Variants in CAMK1D observed in about 807,000 individuals in gnomAD.
The protein encoded by CAMK1D is calcium/calmodulin-dependent protein kinase type 1D.
A neutral mutation model predicts 47.7 loss-of-function variants in CAMK1D; 9 were observed. That is an observed-to-expected ratio of 0.19 (90% CI 0.11 to 0.33). The LOEUF is 0.33. Ranked by LOEUF, CAMK1D falls within the 10% of genes least tolerant of loss-of-function variation. The probability of loss-of-function intolerance (pLI) is 1.00; values close to 1 mark genes in which losing one functional copy is unlikely to be tolerated. For missense variants in CAMK1D, 291 were observed against 488.7 expected (o/e 0.60, Z 3.81); for synonymous variants, 184 against 184.9 (o/e 0.99, Z 0.04).
chr10:12,643,885 A>C (rs1256516385), intron 2 of CAMK1D, among the ~76,000 whole-genome samples: 2 of 117,162 alleles, frequency 1.7e-5, no homozygotes, highest in African/African-American at 6.3e-5. Context: ...CTCTGACTCA[A>C]AAAAAAAAAA....
chr10:12,501,469 C>T (rs1388342499), intron 1 of CAMK1D, among the ~76,000 whole-genome samples: 1 of 152,184 alleles, frequency 6.6e-6, no homozygotes, highest in Non-Finnish European at 1.5e-5. Flanking sequence ...ATGGGCCTCA[C>T]CATGTGCTCA....
chr10:12,511,618 G>A (rs964082258), intron 1 of CAMK1D, among the ~76,000 whole-genome samples: 1 of 151,978 alleles, frequency 6.6e-6, no homozygotes, highest in Non-Finnish European at 1.5e-5. Context: ...CTCAAAAAAC[G>A]AACAAACAAA....
chr10:12,438,178 C>T (rs569717676), intron 1 of CAMK1D, among the ~76,000 whole-genome samples: 1 of 152,352 alleles, frequency 6.6e-6, no homozygotes, highest in South Asian at 2.1e-4. Flanking sequence ...CTTTTCTGCA[C>T]ACCTCATGAT....
chr10:12,699,812 A>G (rs763391654), intron 3 of CAMK1D, among the ~76,000 whole-genome samples: 3 of 152,190 alleles, frequency 2.0e-5, no homozygotes, highest in East Asian at 1.9e-4. Flanking sequence ...TAAGGCATCA[A>G]TGATTTCACC....
At chr10:12,736,196 T>C (rs1484211567) in intron 3 of CAMK1D, among the ~76,000 whole-genome samples, 3 of 152,220 alleles carry the variant, frequency 2.0e-5, no homozygotes, top group Non-Finnish European at 4.4e-5. Flanking sequence ...AGGAAGACCA[T>C]GCTCACTTGC....
chr10:12,658,301 A>G (rs1373163399), intron 2 of CAMK1D, among the ~76,000 whole-genome samples: 1 of 152,172 alleles, frequency 6.6e-6, no homozygotes, highest in Non-Finnish European at 1.5e-5. Context: ...GAGCACACTC[A>G]GAGACGAAGG....
chr10:12,817,036 A>G lies in CAMK1D; in HGVS notation c.833+708A>G, dbSNP rs952231545. Among the ~76,000 whole-genome samples the G allele has an allele frequency of 4.9e-4, 75 of 152,236 alleles. 1 individual carries two copies. The highest frequency in any genetic ancestry group is 3.9e-3 in the Admixed American group (59 of 15,280). On this transcript the variant is annotated intron_variant, in intron 8 of 10. Coordinates refer to ENST00000619168, the MANE Select transcript of CAMK1D (RefSeq NM_153498.4). ...TCTTACATGGATGGGAGCAGGCAAA[A>G]AGAGAGAGCTTGTGCAGGGGAACAC...
chr10:12,540,386 G>A (rs1344024066), intron 1 of CAMK1D, among the ~76,000 whole-genome samples: 1 of 152,220 alleles, frequency 6.6e-6, no homozygotes, highest in African/African-American at 2.4e-5. Flanking sequence ...GCCTGTCAGA[G>A]AAGTGAAGGA....
At chr10:12,563,700 G>A (rs7078613) in intron 2 of CAMK1D, among the ~76,000 whole-genome samples, 34,800 of 81,976 alleles carry the variant, frequency 0.42, 4,536 homozygotes, top group Non-Finnish European at 0.45. Context: ...AGAGAGAGAG[G>A]GAGAGAGAGG....
At chr10:12,699,622 A>G (rs1206210771) in intron 3 of CAMK1D, among the ~76,000 whole-genome samples, 1 of 151,588 alleles carries the variant, frequency 6.6e-6, no homozygotes, top group Non-Finnish European at 1.5e-5. Flanking sequence ...GTTAATCATT[A>G]GTCCTCTACA....
At chr10:12,523,127 C>T (rs1208534583) in intron 1 of CAMK1D, among the ~76,000 whole-genome samples, 9 of 148,744 alleles carry the variant, frequency 6.1e-5, no homozygotes, top group Non-Finnish European at 7.4e-5. Flanking sequence ...TGGGCAGAGA[C>T]GCTCCTCACC....
chr10:12,710,386 T>C (rs2130750437), intron 3 of CAMK1D, among the ~76,000 whole-genome samples: 1 of 152,300 alleles, frequency 6.6e-6, no homozygotes, highest in South Asian at 2.1e-4. Flanking sequence ...TCCGTACATG[T>C]TTATTGAGCA....
intron 2 of CAMK1D, among the ~76,000 whole-genome samples, chr10:12,559,506 G>A (rs748168905): frequency 1.4e-4 from 22 of 152,122 alleles, no homozygotes; most frequent in Non-Finnish European, 2.9e-4. Flanking sequence ...GAGCTGCTCC[G>A]TATGATGACT....
intron 1 of CAMK1D, among the ~76,000 whole-genome samples, chr10:12,410,628 A>G (rs1839624594): frequency 6.6e-6 from 1 of 152,198 alleles, no homozygotes; most frequent in South Asian, 2.1e-4. Flanking sequence ...TTCACAGATC[A>G]ATGAAGGACA....
intron 1 of CAMK1D, among the ~76,000 whole-genome samples, chr10:12,388,042 C>T (rs1324214220): frequency 6.6e-6 from 1 of 152,056 alleles, no homozygotes; most frequent in East Asian, 1.9e-4. Flanking sequence ...TCTTGCCAGC[C>T]AGGCATCTTT....
At chr10:12,606,163 A>G (rs761439870) in intron 2 of CAMK1D, among the ~76,000 whole-genome samples, 1 of 151,228 alleles carries the variant, frequency 6.6e-6, no homozygotes, top group Non-Finnish European at 1.5e-5. Context: ...AGGTGCCGTC[A>G]TCCTCCTGTG....
At chr10:12,765,298 C>T (rs1450923209) in intron 4 of CAMK1D, among the ~76,000 whole-genome samples, 1 of 152,010 alleles carries the variant, frequency 6.6e-6, no homozygotes, top group African/African-American at 2.4e-5. Flanking sequence ...GTAAGGAAGG[C>T]TTTATTCAAG....
At chr10:12,668,030 A>T (rs773507868) in intron 3 of CAMK1D, among the ~76,000 whole-genome samples, 24 of 152,184 alleles carry the variant, frequency 1.6e-4, no homozygotes, top group Middle Eastern at 3.2e-3. Flanking sequence ...CCATGGTATA[A>T]GTCAAAGAAG....
chr10:12,674,993 T>C (rs1840757884), intron 3 of CAMK1D, among the ~76,000 whole-genome samples: 1 of 141,394 alleles, frequency 7.1e-6, no homozygotes, highest in Non-Finnish European at 1.5e-5. Context: ...ATCACACCAC[T>C]GCACTCCAGC....
Sources: allele counts gnomAD v4.1 joint callset (sites outside exome capture counted in the v4.1 genomes callset), GRCh38; gene constraint gnomAD v4.1.1; transcripts MANE v1.5; gene names NCBI Gene and HGNC (gene_info 2026-07-23, HGNC 2026-07-21).